Variants in GNG12 observed in about 807,000 individuals in gnomAD.
GNG12 encodes G protein subunit gamma 12, also known as guanine nucleotide-binding protein G(I)/G(S)/G(O) subunit gamma-12.
For missense variants in GNG12, 69 were observed against 83.8 expected (o/e 0.82, Z 0.69); for synonymous variants, 28 against 29.7 (o/e 0.94, Z 0.19).
chr1:67,766,774 C>T (rs758182454), intron 2 of GNG12, among the ~76,000 whole-genome samples: 23 of 152,034 alleles, frequency 1.5e-4, no homozygotes, highest in Non-Finnish European at 2.9e-4. Context: ...CCTGCACAAA[C>T]GGGGCCCTTT....
intron 1 of GNG12, among the ~76,000 whole-genome samples, chr1:67,794,332 G>A (rs529860293): frequency 8.5e-5 from 13 of 152,228 alleles, no homozygotes; most frequent in Non-Finnish European, 1.6e-4. Context: ...ACTCCAATGA[G>A]GCCTGAGGGG....
At chr1:67,813,808 C>A (rs1350619792) in intron 1 of GNG12, among the ~76,000 whole-genome samples, 1 of 152,052 alleles carries the variant, frequency 6.6e-6, no homozygotes, top group Non-Finnish European at 1.5e-5. Context: ...TCTCTATCAC[C>A]TCCTCCAATT....
At chr1:67,797,129 G>C (rs1268388717) in intron 1 of GNG12, among the ~76,000 whole-genome samples, 1 of 152,114 alleles carries the variant, frequency 6.6e-6, no homozygotes, top group Admixed American at 6.5e-5. Context: ...AGATTTGGAG[G>C]GGACAAACAT....
intron 2 of GNG12, among the ~76,000 whole-genome samples, chr1:67,758,673 C>A (rs564796266): frequency 2.0e-5 from 3 of 152,136 alleles, no homozygotes; most frequent in African/African-American, 7.2e-5. Context: ...TAGAACAAAC[C>A]CACCCAAAAA....
chr1:67,709,972 AG>A (rs1646277105), intron 2 of GNG12, among the ~76,000 whole-genome samples: 4 of 35,396 alleles, frequency 1.1e-4, no homozygotes, highest in African/African-American at 3.5e-4. Context: ...TTATATATAT[AG>A]TTATATATAT....
intron 1 of GNG12, among the ~76,000 whole-genome samples, chr1:67,813,010 T>G (rs2100811435): frequency 6.6e-6 from 1 of 152,344 alleles, no homozygotes; most frequent in South Asian, 2.1e-4. Context: ...TTTCTTCATT[T>G]GTAAAAAGAA....
At chr1:67,743,428 C>CA (rs1646493346) in intron 2 of GNG12, among the ~76,000 whole-genome samples, 1 of 152,188 alleles carries the variant, frequency 6.6e-6, no homozygotes, top group African/African-American at 2.4e-5. Context: ...GCATAAATGT[C>CA]TCCATACAGC....
chr1:67,775,969 T>C (rs550134971), intron 2 of GNG12, among the ~76,000 whole-genome samples: 2 of 152,112 alleles, frequency 1.3e-5, no homozygotes, highest in East Asian at 3.9e-4. Flanking sequence ...CAAGAGAGAA[T>C]GGGGCCAGAA....
chr1:67,763,115 G>A (rs1646616033), intron 2 of GNG12, among the ~76,000 whole-genome samples: 1 of 151,636 alleles, frequency 6.6e-6, no homozygotes, highest in African/African-American at 2.4e-5. Context: ...GAGAGAGAGA[G>A]AGAGAATCAA....
At chr1:67,781,453 A>C (rs983294099) in intron 1 of GNG12, among the ~76,000 whole-genome samples, 2 of 152,210 alleles carry the variant, frequency 1.3e-5, no homozygotes, top group Admixed American at 6.5e-5. Context: ...AGTATATTAC[A>C]TTCTTGACTT....
rs187607546 is a variant in GNG12, at chr1:67,751,294, T to C, written c.-27+26164A>G. On this transcript the variant is annotated intron_variant, in intron 2 of 3. Coordinates refer to ENST00000370982, the MANE Select transcript of GNG12 (RefSeq NM_018841.6). ...CCATTATAGAAATGAATGACATTAG[T>C]TTTCAAAGTAAAAGCTATAGTTGTT... 1.6e-4 allele frequency among the ~76,000 whole-genome samples: 25 copies of C among 152,252 alleles called. No homozygotes were observed. In the East Asian group the frequency reaches 4.4e-3, roughly 27 times the overall value.
At chr1:67,832,505 G>A (rs963646346) in intron 1 of GNG12, 15 of 152,282 alleles carry the variant, frequency 9.9e-5, no homozygotes, top group African/African-American at 3.6e-4. Context: ...GTGACGGGAG[G>A]TGCTAAGTGA....
chr1:67,768,944 C>T (rs1376138636), intron 2 of GNG12, among the ~76,000 whole-genome samples: 1 of 152,166 alleles, frequency 6.6e-6, no homozygotes, highest in Admixed American at 6.5e-5. Context: ...GTTCTGCTAT[C>T]TGAGCTTCTG....
At chr1:67,734,153 T>C (rs184946144) in intron 2 of GNG12, among the ~76,000 whole-genome samples, 11 of 151,942 alleles carry the variant, frequency 7.2e-5, no homozygotes, top group African/African-American at 2.7e-4. Context: ...GTGTGTGTTA[T>C]TCCTGACTCA....
At chr1:67,744,439 C>T (rs1218428939) in intron 2 of GNG12, among the ~76,000 whole-genome samples, 1 of 152,172 alleles carries the variant, frequency 6.6e-6, no homozygotes. Flanking sequence ...GGTGTTTCCT[C>T]TCCACTGTGC....
chr1:67,732,164 A>G (rs974896546), intron 2 of GNG12, among the ~76,000 whole-genome samples: 1 of 152,242 alleles, frequency 6.6e-6, no homozygotes. Flanking sequence ...AGACATCTAG[A>G]GGAAAAAAAT....
intron 2 of GNG12, among the ~76,000 whole-genome samples, chr1:67,759,410 G>T (rs1570520834): frequency 6.6e-6 from 1 of 152,308 alleles, no homozygotes; most frequent in South Asian, 2.1e-4. Flanking sequence ...ACAATACAGT[G>T]TAGCCATTAA....
intron 2 of GNG12, among the ~76,000 whole-genome samples, chr1:67,709,342 A>C (rs753908146): frequency 6.6e-6 from 1 of 152,164 alleles, no homozygotes; most frequent in African/African-American, 2.4e-5. Flanking sequence ...ACAAGTGGTC[A>C]ATGAGCCTCA....
intron 2 of GNG12, among the ~76,000 whole-genome samples, chr1:67,752,734 A>G (rs1407460138): frequency 6.6e-6 from 1 of 152,238 alleles, no homozygotes; most frequent in Non-Finnish European, 1.5e-5. Context: ...CCTTAAAGTA[A>G]CTGACAGTTG....
Sources: allele counts gnomAD v4.1 joint callset (sites outside exome capture counted in the v4.1 genomes callset), GRCh38; gene constraint gnomAD v4.1.1; transcripts MANE v1.5; gene names NCBI Gene and HGNC (gene_info 2026-07-23, HGNC 2026-07-21).